Variants in ZNF385D observed in about 807,000 individuals in gnomAD.
ZNF385D encodes the protein zinc finger protein 659.
ZNF385D carries 15 observed loss-of-function variants against 35.8 expected under a neutral mutation model. The observed-to-expected ratio is 0.42, with a 90% confidence interval of 0.28 to 0.64. The LOEUF (loss-of-function observed/expected upper bound fraction) is 0.64, where lower values mean the gene tolerates loss of function less well. ZNF385D is among the 30% of genes least tolerant of loss of function. The probability of loss-of-function intolerance (pLI) is 0.23; values close to 1 mark genes in which losing one functional copy is unlikely to be tolerated. For missense variants in ZNF385D, 474 were observed against 494.6 expected (o/e 0.96, Z 0.39); for synonymous variants, 212 against 186.8 (o/e 1.13, Z -1.10).
At chr3:21,645,914 G>C (rs2065737640) in intron 2 of ZNF385D, among the ~76,000 whole-genome samples, 1 of 151,944 alleles carries the variant, frequency 6.6e-6, no homozygotes, top group South Asian at 2.1e-4. Flanking sequence ...GTTTGTACTT[G>C]GTTATTTTAA....
chr3:21,732,027 GGGGTTTTTTTTTTTTTTTT>G (rs1178705703), intron 1 of ZNF385D, among the ~76,000 whole-genome samples: 2,073 of 64,254 alleles, frequency 0.032, 520 homozygotes, highest in African/African-American at 0.11. Flanking sequence ...TTCTTTTTTC[GGGGTTTTTTTTTTTTTTTT>G]TTTTTTTTTT....
At chr3:22,040,299 A>G (rs13433827) in intron 3 of ZNF385D, among the ~76,000 whole-genome samples, 13,472 of 152,194 alleles carry the variant, frequency 0.089, 665 homozygotes, top group East Asian at 0.15. Flanking sequence ...TAAATTCTTC[A>G]TATTATTCAC....
chr3:22,227,827 G>C (rs929396612), intron 2 of ZNF385D, among the ~76,000 whole-genome samples: 9 of 152,106 alleles, frequency 5.9e-5, no homozygotes, highest in Non-Finnish European at 7.3e-5. Flanking sequence ...AATTAAAGTA[G>C]GTATAAATAT....
intron 1 of ZNF385D, among the ~76,000 whole-genome samples, chr3:21,737,973 G>C (rs1293431127): frequency 6.6e-6 from 1 of 152,234 alleles, no homozygotes; most frequent in Non-Finnish European, 1.5e-5. Flanking sequence ...TTATGTGTAA[G>C]TCACAATTTT....
At chr3:22,165,671 T>C (rs906323095) in intron 3 of ZNF385D, among the ~76,000 whole-genome samples, 2 of 152,178 alleles carry the variant, frequency 1.3e-5, no homozygotes, top group African/African-American at 4.8e-5. Context: ...AGAAGTTGAT[T>C]AAATCTTTAC....
intron 3 of ZNF385D, among the ~76,000 whole-genome samples, chr3:21,980,657 G>A (rs565780007): frequency 1.2e-4 from 18 of 152,026 alleles, no homozygotes; most frequent in East Asian, 5.8e-4. Context: ...ACACTATTTC[G>A]TCATCCAGCT....
At chr3:21,589,053 A>G (rs766131133) in intron 2 of ZNF385D, among the ~76,000 whole-genome samples, 2 of 152,222 alleles carry the variant, frequency 1.3e-5, no homozygotes, top group Non-Finnish European at 2.9e-5. Context: ...GAGACACAAT[A>G]AGATAAATAA....
intron 3 of ZNF385D, among the ~76,000 whole-genome samples, chr3:22,144,954 A>G (rs979518279): frequency 3.3e-5 from 5 of 152,080 alleles, no homozygotes; most frequent in African/African-American, 1.2e-4. Flanking sequence ...TTCCTTATTT[A>G]ATAGGTAATC....
At chr3:21,426,038 A>G (rs1230260058) in intron 5 of ZNF385D, among the ~76,000 whole-genome samples, 1 of 152,316 alleles carries the variant, frequency 6.6e-6, no homozygotes, top group East Asian at 1.9e-4. Context: ...AACAAGACAT[A>G]AATGATACCT....
intron 2 of ZNF385D, among the ~76,000 whole-genome samples, chr3:22,208,689 C>T (rs1697317276): frequency 1.3e-5 from 2 of 149,054 alleles, no homozygotes; most frequent in Non-Finnish European, 3.0e-5. Context: ...ATATACACAC[C>T]TATTATGTAC....
In ZNF385D at chr3:21,539,289, T is replaced by C. The variant is rs2125556490; in HGVS notation, c.276+25285A>G. Among the ~76,000 whole-genome samples the C allele has an allele frequency of 6.6e-6, 1 of 152,256 alleles. No homozygotes were observed. Among genetic ancestry groups the C allele is most frequent in the South Asian group, 2.1e-4 (1 of 4,824 alleles). ...GCTTCTACATTTCTACATAGATCACTTTCTCATTAATTGATGCCATTTTGC... is the reference window on the plus strand; with the variant it reads ...GCTTCTACATTTCTACATAGATCACCTTCTCATTAATTGATGCCATTTTGC... On this transcript the variant is annotated intron_variant, in intron 3 of 7. Coordinates refer to ENST00000281523, the MANE Select transcript of ZNF385D (RefSeq NM_024697.3). The surrounding 1 kb of genome is among the most constrained non-coding windows in gnomAD (Gnocchi z 4.0).
chr3:22,061,517 C>A (rs1230183762), intron 3 of ZNF385D, among the ~76,000 whole-genome samples: 2 of 149,716 alleles, frequency 1.3e-5, no homozygotes, highest in Non-Finnish European at 2.9e-5. Context: ...TTATGTCACT[C>A]TTTTCTTCTC....
At chr3:21,709,942 T>A (rs2068039466) in intron 1 of ZNF385D, among the ~76,000 whole-genome samples, 1 of 152,162 alleles carries the variant, frequency 6.6e-6, no homozygotes, top group Non-Finnish European at 1.5e-5. Context: ...CACCCATACG[T>A]GGAATTCTTC....
At chr3:22,217,653 T>C (rs1037328542) in intron 2 of ZNF385D, among the ~76,000 whole-genome samples, 10 of 151,898 alleles carry the variant, frequency 6.6e-5, no homozygotes, top group Admixed American at 5.9e-4. Context: ...AAAATCATAA[T>C]TAATAACATT....
intron 2 of ZNF385D, among the ~76,000 whole-genome samples, chr3:22,307,704 T>C (rs1703307004): frequency 6.7e-6 from 1 of 150,130 alleles, no homozygotes; most frequent in South Asian, 2.1e-4. Flanking sequence ...TCGTTTAAAA[T>C]AGTCACACTC....
chr3:22,036,450 A>T (rs1385393286), intron 3 of ZNF385D, among the ~76,000 whole-genome samples: 4 of 152,156 alleles, frequency 2.6e-5, no homozygotes, highest in Non-Finnish European at 4.4e-5. Flanking sequence ...AAGAAAACTG[A>T]CCTATCGAGA....
At chr3:21,640,122 G>C (rs1278795395) in intron 2 of ZNF385D, among the ~76,000 whole-genome samples, 1 of 151,864 alleles carries the variant, frequency 6.6e-6, no homozygotes, top group Non-Finnish European at 1.5e-5. Flanking sequence ...CCAAGTCTTT[G>C]AGAAATAAAG....
chr3:21,557,118 C>CA, intron 3 of ZNF385D, among the ~76,000 whole-genome samples: 1 of 152,162 alleles, frequency 6.6e-6, no homozygotes, highest in South Asian at 2.1e-4. Flanking sequence ...TGCAAACAGA[C>CA]AAGTTGACTT....
At chr3:21,443,107 A>G (rs1467417830) in intron 4 of ZNF385D, 3 of 984,190 alleles carry the variant, frequency 3.0e-6, no homozygotes, top group Admixed American at 6.2e-5. Flanking sequence ...TAAACGGCCT[A>G]GAAATCCCAA....
Sources: allele counts gnomAD v4.1 joint callset (sites outside exome capture counted in the v4.1 genomes callset), GRCh38; gene constraint gnomAD v4.1.1; non-coding constraint Gnocchi (gnomAD v3.1); transcripts MANE v1.5; gene names NCBI Gene and HGNC (gene_info 2026-07-23, HGNC 2026-07-21).